The following GLCCI1 variants were observed in gnomAD, a reference collection of about 807,000 sequenced individuals.
GLCCI1 encodes the protein glucocorticoid induced 1, also known as glucocorticoid-induced transcript 1 protein.
A neutral mutation model predicts 52.2 loss-of-function variants in GLCCI1; 24 were observed. That is an observed-to-expected ratio of 0.46 (90% confidence interval 0.33 to 0.65). The LOEUF is 0.65. GLCCI1 is among the 30% of genes least tolerant of loss of function. The pLI is 0.02. For synonymous variants in GLCCI1, 310 were observed against 276.5 expected (o/e 1.12, Z -1.20); for missense variants, 704 against 701.5 (o/e 1.00, Z -0.04).
intron 4 of GLCCI1, among the ~76,000 whole-genome samples, chr7:8,056,430 A>G: frequency 6.6e-6 from 1 of 152,150 alleles, no homozygotes; most frequent in East Asian, 1.9e-4. Flanking sequence ...AATCTTCCTA[A>G]CAGTTCCTTT....
chr7:8,035,368 G>C (rs1489522867), intron 3 of GLCCI1, among the ~76,000 whole-genome samples: 1 of 152,214 alleles, frequency 6.6e-6, no homozygotes, highest in African/African-American at 2.4e-5. Flanking sequence ...ATGTGGAGAA[G>C]GGATATCTCT....
At chr7:8,079,767 T>G (rs1260993649) in intron 6 of GLCCI1, among the ~76,000 whole-genome samples, 18 of 151,490 alleles carry the variant, frequency 1.2e-4, no homozygotes, top group African/African-American at 4.4e-4. Context: ...CTACATATAA[T>G]AAATATATAA....
intron 1 of GLCCI1, chr7:7,980,487 CA>C (rs1780590347): frequency 3.0e-6 from 1 of 332,194 alleles, no homozygotes; most frequent in Non-Finnish European, 5.4e-6. Context: ...TGAGATATTA[CA>C]AAATAAAATA....
rs147243034 is a variant in GLCCI1 at position 8,081,754 on chromosome 7, A to T, written c.1178-3143A>T. Among the ~76,000 whole-genome samples, 327 of 152,252 alleles carry T rather than the reference A, an allele frequency of 2.1e-3. 2 individuals carry two copies. Among genetic ancestry groups the T allele is most frequent in the African/African-American group, 7.4e-3 (309 of 41,564 alleles). On this transcript the variant is annotated intron_variant, in intron 6 of 7. Transcript: ENST00000223145. The stretch of plus-strand genomic sequence containing the variant: ...TATGTTTAAAAGTATTTCAGAAGCT[A>T]CTCGTATTTTAATGGTAAATATGGT...
intron 3 of GLCCI1, among the ~76,000 whole-genome samples, chr7:8,037,685 G>T (rs1028092398): frequency 1.3e-5 from 2 of 152,126 alleles, no homozygotes; most frequent in Non-Finnish European, 2.9e-5. Context: ...AAGACTCAAG[G>T]TAAAGGGGTG....
intron 6 of GLCCI1, among the ~76,000 whole-genome samples, chr7:8,075,682 T>C (rs1006887205): frequency 7.2e-5 from 11 of 152,230 alleles, no homozygotes; most frequent in Non-Finnish European, 1.3e-4. Flanking sequence ...GCAGTTGTTA[T>C]AAAATTCTGC....
chr7:7,975,967 A>G (rs1015347207), intron 1 of GLCCI1, among the ~76,000 whole-genome samples: 4 of 152,190 alleles, frequency 2.6e-5, no homozygotes, highest in Non-Finnish European at 4.4e-5. Context: ...AGTTAATTAC[A>G]TATGGTGCTA....
At chr7:8,061,101 CTT>C (rs1183119492) in intron 5 of GLCCI1, among the ~76,000 whole-genome samples, 35 of 138,842 alleles carry the variant, frequency 2.5e-4, no homozygotes, top group Admixed American at 2.9e-4. Flanking sequence ...TGCTAGTGAT[CTT>C]TTTTTTTTTT....
intron 1 of GLCCI1, among the ~76,000 whole-genome samples, chr7:8,000,047 G>T (rs1249709099): frequency 6.6e-6 from 1 of 152,196 alleles, no homozygotes; most frequent in Admixed American, 6.5e-5. Flanking sequence ...TTTAAGTAGA[G>T]GCTCAAGTTA....
At chr7:7,973,379 A>G (rs2115400305) in intron 1 of GLCCI1, among the ~76,000 whole-genome samples, 1 of 151,242 alleles carries the variant, frequency 6.6e-6, no homozygotes, top group African/African-American at 2.4e-5. Context: ...TTTACTGTCC[A>G]AGATAGTAAG....
intron 6 of GLCCI1, among the ~76,000 whole-genome samples, chr7:8,082,544 T>A (rs1333999087): frequency 6.6e-6 from 1 of 152,110 alleles, no homozygotes. Flanking sequence ...AGTCTCAAAA[T>A]TTTTTTCTTA....
At chr7:8,079,309 G>A (rs1322851840) in intron 6 of GLCCI1, among the ~76,000 whole-genome samples, 1 of 150,928 alleles carries the variant, frequency 6.6e-6, no homozygotes, top group Admixed American at 6.6e-5. Context: ...TGATGTTCCT[G>A]GAAATTTTGC....
chr7:7,999,426 A>G (rs1230637956), intron 1 of GLCCI1, among the ~76,000 whole-genome samples: 2 of 152,126 alleles, frequency 1.3e-5, no homozygotes, highest in African/African-American at 2.4e-5. Context: ...TGAGCAACAC[A>G]GCGAGACCCC....
intron 2 of GLCCI1, among the ~76,000 whole-genome samples, chr7:8,012,712 T>A (rs1258137941): frequency 6.6e-6 from 1 of 152,136 alleles, no homozygotes; most frequent in Non-Finnish European, 1.5e-5. Flanking sequence ...CCCAAAGTAC[T>A]GGGATTACAG....
intron 3 of GLCCI1, among the ~76,000 whole-genome samples, chr7:8,053,323 T>TG (rs1554262339): frequency 0.42 from 57,168 of 135,390 alleles, 12,100 homozygotes; most frequent in Middle Eastern, 0.52. Context: ...TCGTTTTTTT[T>TG]TTTGTTTGTT....
intron 2 of GLCCI1, among the ~76,000 whole-genome samples, chr7:8,012,432 C>CTTTTTTTTTTTTTTTTT (rs71014746): frequency 3.0e-4 from 21 of 70,400 alleles, no homozygotes; most frequent in Non-Finnish European, 4.3e-4. Flanking sequence ...CCTTTTTATT[C>CTTTTTTTTTTTTTTTTT]TTTTTTTTTT....
At chr7:8,062,703 G>A (rs1200713993) in intron 5 of GLCCI1, among the ~76,000 whole-genome samples, 1 of 152,118 alleles carries the variant, frequency 6.6e-6, no homozygotes, top group Non-Finnish European at 1.5e-5. Context: ...TCATTTGTAA[G>A]TGACAATATG....
rs564567589 is a variant in GLCCI1 at position 8,020,233 on chromosome 7, A to G, written c.610-2250A>G. ...CATACACATTAGCCTAGGCCCACAC[A>G]AGATCAGGATCATCAAGACATCACT... On this transcript the variant is annotated intron_variant, in intron 2 of 7. Transcript: ENST00000223145. Among the ~76,000 whole-genome samples, 5 of 152,240 alleles carry G rather than the reference A, an allele frequency of 3.3e-5. No homozygotes were observed. In the South Asian group the frequency reaches 8.3e-4, roughly 25 times the overall value.
chr7:7,992,789 C>T, intron 1 of GLCCI1, among the ~76,000 whole-genome samples: 1 of 151,702 alleles, frequency 6.6e-6, no homozygotes, highest in East Asian at 1.9e-4. Flanking sequence ...TAGTTTTTTT[C>T]TTACCATTTC....
Sources: allele counts gnomAD v4.1 joint callset (sites outside exome capture counted in the v4.1 genomes callset), GRCh38; gene constraint gnomAD v4.1.1; transcripts MANE v1.5; gene names NCBI Gene and HGNC (gene_info 2026-07-23, HGNC 2026-07-21).